Variants in MCF2L observed in about 807,000 individuals in gnomAD.
MCF2L encodes the protein MCF.2 cell line derived transforming sequence like, also known as guanine nucleotide exchange factor DBS.
A neutral mutation model predicts 153.4 loss-of-function variants in MCF2L; 97 were observed. The observed-to-expected ratio is 0.63, with a 90% CI of 0.54 to 0.75. MCF2L has a LOEUF of 0.75. Ranked by LOEUF, MCF2L falls within the 30% of genes least tolerant of loss-of-function variation. The pLI is 0.00. For synonymous variants in MCF2L, 659 were observed against 632.2 expected (o/e 1.04, Z -0.64); for missense variants, 1,347 against 1,495.2 (o/e 0.90, Z 1.64).
intron 2 of MCF2L, among the ~76,000 whole-genome samples, chr13:112,948,133 A>C (rs776914705): frequency 1.3e-5 from 2 of 152,080 alleles, no homozygotes; most frequent in Non-Finnish European, 1.5e-5. Context: ...TCCCTAAACT[A>C]TTCTGTGCTG....
chr13:112,935,141 T>C (rs2081502201), intron 2 of MCF2L, among the ~76,000 whole-genome samples: 1 of 152,218 alleles, frequency 6.6e-6, no homozygotes, highest in South Asian at 2.1e-4. Context: ...GATTTAATTT[T>C]TTGACATTAT....
chr13:113,046,122 T>C lies in MCF2L; in HGVS notation c.369+761T>C, dbSNP rs2086796730. 6.2e-6 allele frequency: 1 copy of C among 160,508 alleles called. No individual in the cohort carries two copies. Among genetic ancestry groups the C allele is most frequent in the African/African-American group, 2.4e-5 (1 of 41,452 alleles). 9.9% of individuals were successfully genotyped at this position (160,508 alleles called of 1,614,324 possible). ...AGTAATCATTTAAGAGGGAAGAGATTAAGTCAGCAGAAGCCCCCAAATCTT... is the reference window on the plus strand; with the variant it reads ...AGTAATCATTTAAGAGGGAAGAGATCAAGTCAGCAGAAGCCCCCAAATCTT... On this transcript the variant is annotated intron_variant, in intron 4 of 29. Transcript: ENST00000535094. This position sits in a 1 kb window ranked among gnomAD's most constrained non-coding sequence, Gnocchi z 4.4.
Position 113,066,071 on chromosome 13 carries a change from A to T in MCF2L, c.782A>T (p.Glu261Val), listed in dbSNP as rs1026816761. The change falls in exon 8 of 30, where the codon GAG becomes GTG. Residue 261 changes from glutamate to valine, a missense_variant. Coordinates refer to ENST00000535094, the MANE Select transcript of MCF2L (RefSeq NM_001112732.3). The stretch of plus-strand genomic sequence containing the variant: ...GAGGATTTGAGGCTGGCACTGAAAG[A>T]GGGGCACAGTGTCCTGGAGAGCCTC... ...AKEDLRLALK[E>V]GHSVLESLRE... 1 of 1,613,268 alleles carries T rather than the reference A, an allele frequency of 6.2e-7. No homozygotes were observed. The highest frequency in any genetic ancestry group is 1.1e-5 in the South Asian group (1 of 91,044).
At chr13:113,007,683 C>T (rs973879302) in intron 1 of MCF2L, among the ~76,000 whole-genome samples, 1 of 152,180 alleles carries the variant, frequency 6.6e-6, no homozygotes, top group Admixed American at 6.5e-5. Context: ...GGTTCGGCGG[C>T]CTCAGTCACT....
chr13:113,050,113 G>C (rs763315066), intron 4 of MCF2L, among the ~76,000 whole-genome samples: 1 of 152,134 alleles, frequency 6.6e-6, no homozygotes, highest in Admixed American at 6.5e-5. Flanking sequence ...ATAAAATGCT[G>C]TTGCAACATC....
At chr13:112,946,001 T>C (rs538657341) in intron 2 of MCF2L, among the ~76,000 whole-genome samples, 2 of 152,272 alleles carry the variant, frequency 1.3e-5, no homozygotes, top group East Asian at 3.9e-4. Flanking sequence ...AAACCTGAGC[T>C]CATCAGCACG....
At chr13:113,000,211 C>G (rs7996886) in intron 1 of MCF2L, among the ~76,000 whole-genome samples, 40,689 of 152,178 alleles carry the variant, frequency 0.27, 6,300 homozygotes, top group Non-Finnish European at 0.35. Context: ...TCAATGTGCA[C>G]AGCCCAAACC....
chr13:113,050,715 G>GTA, intron 4 of MCF2L, among the ~76,000 whole-genome samples: 1 of 26,848 alleles, frequency 3.7e-5, no homozygotes, highest in Middle Eastern at 0.019. Context: ...GAGGAGCAGG[G>GTA]GGGGCGGGGG....
Position 112,993,809 on chromosome 13 carries a change from C to T in MCF2L, c.80-20954C>T, listed in dbSNP as rs1374931714. ...GGGGTCCTGGGTGAAGATGACACCA[C>T]AGATACCTTGGAGATCTGCCTCCAG... On this transcript the variant is annotated intron_variant, in intron 1 of 29. Coordinates refer to ENST00000535094, the MANE Select transcript of MCF2L (RefSeq NM_001112732.3). This position sits in a 1 kb window ranked among gnomAD's most constrained non-coding sequence, Gnocchi z 4.6. 6.6e-6 allele frequency among the ~76,000 whole-genome samples: 1 copy of T among 152,106 alleles called. No individual in the cohort carries two copies. The highest frequency in any genetic ancestry group is 1.5e-5 in the Non-Finnish European group (1 of 68,014).
At chr13:113,024,472 A>G (rs2085099717) in intron 2 of MCF2L, among the ~76,000 whole-genome samples, 172 bp from the exon 3 acceptor site, 1 of 152,252 alleles carries the variant, frequency 6.6e-6, no homozygotes, top group South Asian at 2.1e-4. Flanking sequence ...GTACTTTCCA[A>G]ATATTTTCTT....
intron 2 of MCF2L, among the ~76,000 whole-genome samples, chr13:113,020,134 G>A (rs2084784614): frequency 6.6e-6 from 1 of 152,166 alleles, no homozygotes; most frequent in Admixed American, 6.5e-5. Flanking sequence ...GGCAGGAGGA[G>A]GTTTTTATTT....
chr13:112,916,132 T>C (rs1466472951), intron 2 of MCF2L, among the ~76,000 whole-genome samples: 1 of 148,102 alleles, frequency 6.8e-6, no homozygotes, highest in Non-Finnish European at 1.5e-5. Flanking sequence ...GGCGTGAACC[T>C]GGGAGGCGGA....
intron 1 of MCF2L, among the ~76,000 whole-genome samples, chr13:112,897,975 A>G (rs909935557): frequency 6.9e-6 from 1 of 145,186 alleles, no homozygotes; most frequent in African/African-American, 2.9e-5. Flanking sequence ...TGGCCCGTCC[A>G]GCCCCAGCCC....
At chr13:112,948,388 A>G (rs921681715) in intron 2 of MCF2L, among the ~76,000 whole-genome samples, 23 of 152,148 alleles carry the variant, frequency 1.5e-4, no homozygotes, top group East Asian at 7.7e-4. Flanking sequence ...TCTGTTCTCA[A>G]ATTTTACCAT....
intron 2 of MCF2L, among the ~76,000 whole-genome samples, chr13:112,945,001 AT>A (rs10690779): frequency 0.091 from 12,634 of 139,264 alleles, 559 homozygotes; most frequent in African/African-American, 0.14. Context: ...AGGCACCACT[AT>A]TTTTTTTTTT....
At chr13:112,990,336 TC>T (rs1787797999) in intron 1 of MCF2L, among the ~76,000 whole-genome samples, 1 of 152,196 alleles carries the variant, frequency 6.6e-6, no homozygotes. Context: ...TCAGGTAAGT[TC>T]GGGGACAGGA....
chr13:113,033,289 A>ATTAGTGGCCCCCATGACG (rs2085882899), intron 3 of MCF2L, among the ~76,000 whole-genome samples: 1 of 30,712 alleles, frequency 3.3e-5, no homozygotes, highest in Non-Finnish European at 5.7e-5. Flanking sequence ...CCCCTGTGAC[A>ATTAGTGGCCCCCATGACG]TTAGTGGACC....
chr13:113,032,730 C>T lies in MCF2L; in HGVS notation c.278+7972C>T, dbSNP rs557306435. Among the ~76,000 whole-genome samples, 18 of 152,136 alleles carry T rather than the reference C, an allele frequency of 1.2e-4. No homozygotes were observed. In the South Asian group the frequency reaches 1.4e-3, roughly 12 times the overall value. On this transcript the variant is annotated intron_variant, in intron 3 of 29. Transcript: ENST00000535094. The stretch of plus-strand genomic sequence containing the variant: ...GACTGCAGGCATGAGCCACCACACC[C>T]GGCTAATTTGGGTATTTTCTGTAGA...
intron 2 of MCF2L, among the ~76,000 whole-genome samples, chr13:112,961,088 ATGCCTCCACGTTGCATC>A (rs2081819681): frequency 4.7e-5 from 1 of 21,388 alleles, no homozygotes; most frequent in Non-Finnish European, 1.1e-4. Context: ...GGAGTCTGCT[ATGCCTCCACGTTGCATC>A]TGCTATGCCT....
Sources: gnomAD v4.1 joint callset for allele counts (sites outside exome capture counted in the v4.1 genomes callset) on GRCh38, gnomAD v4.1.1 for gene constraint, Gnocchi (gnomAD v3.1) non-coding constraint, MANE v1.5 for transcripts, NCBI Gene and HGNC (gene_info 2026-07-23, HGNC 2026-07-21) for gene names.